CPE: variants seen among roughly 807,000 people sequenced by gnomAD.
The protein encoded by CPE is carboxypeptidase E.
Under a neutral mutation model 53.5 loss-of-function variants are expected in CPE, and 17 were observed. That is an observed-to-expected ratio of 0.32 (90% CI 0.22 to 0.48). The LOEUF is 0.48. CPE is among the 20% of genes least tolerant of loss of function. CPE has a pLI of 0.99. For missense variants in CPE, 524 were observed against 614.7 expected, an observed-to-expected ratio of 0.85 and a Z score of 1.56; for synonymous variants, 226 against 228.8, an observed-to-expected ratio of 0.99 and a Z score of 0.11.
chr4:165,384,822 C>T (rs1360640962), intron 1 of CPE, among the ~76,000 whole-genome samples: 1 of 152,128 alleles, frequency 6.6e-6, no homozygotes. Context: ...GGGTAGGGAA[C>T]ATATGTTTTC....
chr4:165,419,679 G>C (rs771207829), intron 1 of CPE, among the ~76,000 whole-genome samples: 1 of 152,142 alleles, frequency 6.6e-6, no homozygotes, highest in Non-Finnish European at 1.5e-5. Flanking sequence ...TTGCACATTA[G>C]ATTACATAAG....
At chr4:165,448,440 C>T (rs1172721421) in intron 1 of CPE, among the ~76,000 whole-genome samples, 1 of 152,082 alleles carries the variant, frequency 6.6e-6, no homozygotes, top group African/African-American at 2.4e-5. Flanking sequence ...GGATTCAGCC[C>T]CTAGCCCATC....
At chr4:165,436,649 C>A (rs957471767) in intron 1 of CPE, among the ~76,000 whole-genome samples, 3 of 152,172 alleles carry the variant, frequency 2.0e-5, no homozygotes, top group Non-Finnish European at 4.4e-5. Flanking sequence ...AGAATCATTT[C>A]TGGATCATCT....
intron 1 of CPE, among the ~76,000 whole-genome samples, chr4:165,454,971 T>C (rs1211558181): frequency 6.6e-6 from 1 of 152,238 alleles, no homozygotes; most frequent in Non-Finnish European, 1.5e-5. Context: ...TGGGAATTAA[T>C]GACTTCTACT....
At chr4:165,478,709 C>T (rs748203252) in intron 3 of CPE, among the ~76,000 whole-genome samples, 1 of 152,112 alleles carries the variant, frequency 6.6e-6, no homozygotes. Context: ...ATGGTGCATA[C>T]TGTGCAAGCC....
chr4:165,497,607 TTAAAAAGGCTTC>T lies in CPE; in HGVS notation c.1431_*11del, dbSNP rs781062487. 1 of 1,551,020 alleles carries T rather than the reference TTAAAAAGGCTTC, an allele frequency of 6.4e-7. No individual in the cohort carries two copies. The highest frequency in any genetic ancestry group is 8.7e-7 in the Non-Finnish European group (1 of 1,147,922). ...AAATGATGTCAGAAACTTTAAATTT[TTAAAAAGGCTTC>T]TAGTTAGCTGCTTTAAATCTATCTA... On this transcript the variant is annotated stop_retained_variant and 3_prime_UTR_variant, in exon 9 of 9. Coordinates refer to ENST00000402744, the MANE Select transcript of CPE (RefSeq NM_001873.4).
chr4:165,434,470 A>G (rs1405027394), intron 1 of CPE, among the ~76,000 whole-genome samples: 2 of 152,162 alleles, frequency 1.3e-5, no homozygotes, highest in African/African-American at 4.8e-5. Flanking sequence ...ACCACATGAA[A>G]CTACCTATAT....
intron 1 of CPE, among the ~76,000 whole-genome samples, chr4:165,459,478 G>A (rs1481036322): frequency 6.6e-6 from 1 of 152,074 alleles, no homozygotes; most frequent in Non-Finnish European, 1.5e-5. Flanking sequence ...CTGGAATGCT[G>A]GATGGTTACA....
chr4:165,425,403 TG>T (rs1286152817), intron 1 of CPE, among the ~76,000 whole-genome samples: 5 of 152,210 alleles, frequency 3.3e-5, no homozygotes, highest in African/African-American at 1.2e-4. Context: ...TTGAGTCTAA[TG>T]AATTTATAGA....
At chr4:165,496,648 T>C (rs1388940063) in intron 8 of CPE, among the ~76,000 whole-genome samples, 1 of 152,214 alleles carries the variant, frequency 6.6e-6, no homozygotes, top group African/African-American at 2.4e-5. Flanking sequence ...GGGGGCTGCC[T>C]ACTTTGAATA....
intron 1 of CPE, chr4:165,404,773 G>T (rs570643903): frequency 8.1e-5 from 63 of 778,464 alleles, no homozygotes; most frequent in Non-Finnish European, 1.2e-4. Flanking sequence ...GCTTGAGACC[G>T]ATTGCTACAG....
chr4:165,432,302 G>A (rs181683802), intron 1 of CPE, among the ~76,000 whole-genome samples: 6 of 151,964 alleles, frequency 3.9e-5, no homozygotes, highest in Admixed American at 2.6e-4. Flanking sequence ...AATCATTTTT[G>A]TGTGTGTGTG....
chr4:165,495,245 C>T (rs1437091430), intron 7 of CPE, among the ~76,000 whole-genome samples: 2 of 152,144 alleles, frequency 1.3e-5, no homozygotes, highest in Admixed American at 1.3e-4. Context: ...TCTGACCCTG[C>T]TGCTTGGGGA....
At chr4:165,403,844 T>C (rs1730910274) in intron 1 of CPE, among the ~76,000 whole-genome samples, 1 of 152,140 alleles carries the variant, frequency 6.6e-6, no homozygotes. Flanking sequence ...ATGAGCACAG[T>C]GGGTTCCACC....
At chr4:165,459,681 G>GGGGGGGGGGGGGGGGT (rs1731962752) in intron 1 of CPE, among the ~76,000 whole-genome samples, 1 of 128,736 alleles carries the variant, frequency 7.8e-6, no homozygotes, top group Non-Finnish European at 1.6e-5. Context: ...GGGTGGGGGG[G>GGGGGGGGGGGGGGGGT]GGCGGGGCAG....
At chr4:165,388,795 C>T (rs943177531) in intron 1 of CPE, among the ~76,000 whole-genome samples, 5 of 152,108 alleles carry the variant, frequency 3.3e-5, no homozygotes, top group Non-Finnish European at 7.4e-5. Flanking sequence ...CAGTGCTGGA[C>T]ATCTGATTTT....
intron 6 of CPE, among the ~76,000 whole-genome samples, chr4:165,490,494 G>A (rs755372719): frequency 9.2e-5 from 14 of 151,872 alleles, no homozygotes; most frequent in Non-Finnish European, 1.8e-4. Context: ...TTAGCCGGGC[G>A]TGGTGGCATG....
At chr4:165,464,346 G>C in intron 1 of CPE, 44 bp from the exon 2 acceptor site, 11 of 1,477,160 alleles carry the variant, frequency 7.4e-6, no homozygotes, top group Non-Finnish European at 1.0e-5. Context: ...ATTTGGCTCT[G>C]TATGTCATAG....
At chr4:165,427,290 C>T (rs1579256428) in intron 1 of CPE, among the ~76,000 whole-genome samples, 1 of 152,228 alleles carries the variant, frequency 6.6e-6, no homozygotes, top group East Asian at 1.9e-4. Flanking sequence ...GCTGCCTGAT[C>T]AGTTTCTTCC....
Sources: allele counts gnomAD v4.1 joint callset (sites outside exome capture counted in the v4.1 genomes callset), GRCh38; gene constraint gnomAD v4.1.1; transcripts MANE v1.5; gene names NCBI Gene and HGNC (gene_info 2026-07-23, HGNC 2026-07-21).